The following DEFB126 variants were observed in gnomAD, a reference collection of about 807,000 sequenced individuals.
DEFB126 encodes beta-defensin 126.
In DEFB126, 2 loss-of-function variants were observed where a neutral mutation model predicts 2.5. The ratio of observed to expected loss-of-function variants is 0.79; its 90% CI spans 0.32 to 2.49. The LOEUF (loss-of-function observed/expected upper bound fraction) is 2.49. DEFB126 is among the 30% of genes most tolerant of loss of function. DEFB126 has a pLI of 0.11. For synonymous variants in DEFB126, 51 were observed against 45.4 expected (o/e 1.12, Z -0.50); for missense variants, 136 against 135.4 (o/e 1.00, Z -0.02).
intron 1 of DEFB126, among the ~76,000 whole-genome samples, chr20:143,312 T>C (rs2123016278): frequency 6.6e-6 from 1 of 152,340 alleles, no homozygotes; most frequent in Non-Finnish European, 1.5e-5. Context: ...ACAAGAACAC[T>C]GAAAGTTATT....
intron 1 of DEFB126, among the ~76,000 whole-genome samples, chr20:143,229 C>T (rs1032096523): frequency 1.3e-5 from 2 of 152,016 alleles, no homozygotes; most frequent in African/African-American, 4.8e-5. Context: ...AAGTCTATAT[C>T]AGATTTCAGC....
At chr20:143,256 TTTC>T (rs1283234676) in intron 1 of DEFB126, among the ~76,000 whole-genome samples, 1 of 152,202 alleles carries the variant, frequency 6.6e-6, no homozygotes, top group Non-Finnish European at 1.5e-5. Flanking sequence ...TGTGTAAGCA[TTTC>T]TTATTTTTAA....
At chr20:144,984 T>C (rs932331188) in intron 1 of DEFB126, among the ~76,000 whole-genome samples, 6 of 152,188 alleles carry the variant, frequency 3.9e-5, no homozygotes, top group Middle Eastern at 3.2e-3. Flanking sequence ...AAAAGCCATA[T>C]GTGTTTCAGT....
intron 1 of DEFB126, among the ~76,000 whole-genome samples, chr20:144,968 G>A (rs1228417404): frequency 6.6e-6 from 1 of 151,996 alleles, no homozygotes; most frequent in Non-Finnish European, 1.5e-5. Flanking sequence ...CTCACCAATT[G>A]GCAACAAAAG....
At chr20:145,106 G>A (rs1191759160) in intron 1 of DEFB126, among the ~76,000 whole-genome samples, 1 of 152,014 alleles carries the variant, frequency 6.6e-6, no homozygotes, top group Non-Finnish European at 1.5e-5. Flanking sequence ...AATTGCTTGG[G>A]GATTTTGTGT....
intron 1 of DEFB126, among the ~76,000 whole-genome samples, chr20:144,582 G>A (rs376325782): frequency 2.0e-5 from 3 of 151,962 alleles, no homozygotes; most frequent in East Asian, 3.8e-4. Context: ...TCATATACTT[G>A]TTGATTAAGT....
rs760319430 is a variant in DEFB126, at chr20:145,574, T to G, written c.218T>G (p.Val73Gly). ...CGTGCTAATTATCCTGTTTTCTGTGTCCAGACAAAGACTACAAGAATTTCA... is the reference window on the plus strand; with the variant it reads ...CGTGCTAATTATCCTGTTTTCTGTGGCCAGACAAAGACTACAAGAATTTCA... ...DRRANYPVFCVQTKTTRISTV... is the reference protein window; with the variant it reads ...DRRANYPVFCGQTKTTRISTV... Residue 73 changes from valine (V) to glycine (G), a missense_variant, in exon 2 of 2, where the codon GTC (valine) becomes GGC (glycine). By Grantham distance (109) the Val-to-Gly change is moderately radical. Transcript: ENST00000382398. 6.2e-7 allele frequency: 1 copy of G among 1,613,982 alleles called. No individual in the cohort carries two copies. The highest frequency in any genetic ancestry group is 1.3e-5 in the African/African-American group (1 of 75,018).
intron 1 of DEFB126, among the ~76,000 whole-genome samples, chr20:143,102 TTTTG>T (rs907424569): frequency 1.3e-5 from 2 of 152,276 alleles, no homozygotes; most frequent in South Asian, 2.1e-4. Flanking sequence ...GTCTCTGATT[TTTTG>T]TTTGTTTGTT....
chr20:142,923 T>C (rs954022359), intron 1 of DEFB126, among the ~76,000 whole-genome samples: 1 of 152,114 alleles, frequency 6.6e-6, no homozygotes, highest in African/African-American at 2.4e-5. Context: ...TACAGTTGCC[T>C]CCAAAGGTAG....
At chr20:142,828 C>T (rs2054653521) in intron 1 of DEFB126, 142 bp downstream of exon 1, 2 of 845,228 alleles carry the variant, frequency 2.4e-6, no homozygotes, top group South Asian at 1.5e-5. Context: ...TTCTTCAGAC[C>T]ACCTCTGTTC....
Position 143,375 on chromosome 20 carries a change from C to T in DEFB126, c.58+689C>T, listed in dbSNP as rs78915860. On this transcript the variant is annotated intron_variant, in intron 1 of 1. Transcript: ENST00000382398. ...CTGCTTGCATTTTTTCACTTGTAACCAACTGATATATGAGCTTATAACCTG... is the reference window on the plus strand; with the variant it reads ...CTGCTTGCATTTTTTCACTTGTAACTAACTGATATATGAGCTTATAACCTG... Among the ~76,000 whole-genome samples the T allele has an allele frequency of 5.9e-5, 9 of 152,156 alleles. 1 individual carries two copies. In the South Asian group the frequency reaches 1.9e-3, roughly 32 times the overall value.
chr20:144,631 G>A (rs748120651), intron 1 of DEFB126, among the ~76,000 whole-genome samples: 35 of 151,990 alleles, frequency 2.3e-4, no homozygotes, highest in Non-Finnish European at 4.4e-4. Flanking sequence ...GAGCTCCAGC[G>A]TCACTCTAGG....
chr20:143,482 G>T (rs1036943737), intron 1 of DEFB126, among the ~76,000 whole-genome samples: 2 of 152,068 alleles, frequency 1.3e-5, no homozygotes, highest in African/African-American at 2.4e-5. Context: ...TGCAGTAGAT[G>T]CTTATAATTC....
Position 145,743 on chromosome 20 carries a change from A to G in DEFB126, c.*51A>G. On this transcript the variant is annotated 3_prime_UTR_variant, in exon 2 of 2. Coordinates refer to ENST00000382398, the MANE Select transcript of DEFB126 (RefSeq NM_030931.4). ...TAGGATCCCCGACTCATTAAAGCAAAGAGGCTTATTCTGGTGTCAGTTTTC... is the reference window on the plus strand; with the variant it reads ...TAGGATCCCCGACTCATTAAAGCAAGGAGGCTTATTCTGGTGTCAGTTTTC... The G allele has an allele frequency of 6.4e-7, 1 of 1,572,544 alleles. No individual in the cohort carries two copies. The highest frequency in any genetic ancestry group is 8.6e-7 in the Non-Finnish European group (1 of 1,163,456).
intron 1 of DEFB126, 74 bp downstream of exon 1, chr20:142,760 T>C (rs996310883): frequency 6.6e-7 from 1 of 1,517,486 alleles, no homozygotes; most frequent in African/African-American, 1.4e-5. Context: ...TGTTTCTAAG[T>C]GGTCTGTGGA....
chr20:144,740 A>G (rs1036165505), intron 1 of DEFB126, among the ~76,000 whole-genome samples: 7 of 152,162 alleles, frequency 4.6e-5, no homozygotes, highest in African/African-American at 1.7e-4. Context: ...TAATGAATAT[A>G]TTCCTAATGG....
At chr20:142,728 A>C in intron 1 of DEFB126, 42 bp downstream of exon 1, 1 of 1,600,848 alleles carries the variant, frequency 6.2e-7, no homozygotes, top group Non-Finnish European at 8.6e-7. Flanking sequence ...GGCCTGGAAC[A>C]GGGTCCTGCA....
chr20:145,229 C>A (rs1031854591), intron 1 of DEFB126, among the ~76,000 whole-genome samples, 186 bp from the exon 2 acceptor site: 4 of 152,026 alleles, frequency 2.6e-5, no homozygotes, highest in Non-Finnish European at 5.9e-5. Context: ...TCATACATAT[C>A]TAAAGAATTC....
rs570462618 is a variant in DEFB126, at chr20:145,732, C to T, written c.*40C>T. Reference sequence around the variant, plus strand: ...GTCTCCTGCTCTAGGATCCCCGACTCATTAAAGCAAAGAGGCTTATTCTGG... The same window carrying T: ...GTCTCCTGCTCTAGGATCCCCGACTTATTAAAGCAAAGAGGCTTATTCTGG... On this transcript the variant is annotated 3_prime_UTR_variant, in exon 2 of 2. Coordinates refer to ENST00000382398, the MANE Select transcript of DEFB126 (RefSeq NM_030931.4). 5.7e-6 allele frequency: 9 copies of T among 1,584,076 alleles called. No individual in the cohort carries two copies. Among genetic ancestry groups the T allele is most frequent in the Non-Finnish European group, 7.7e-6 (9 of 1,168,996 alleles).
Sources: gnomAD v4.1 joint callset for allele counts (sites outside exome capture counted in the v4.1 genomes callset) on GRCh38, gnomAD v4.1.1 for gene constraint, MANE v1.5 for transcripts, NCBI Gene and HGNC (gene_info 2026-07-23, HGNC 2026-07-21) for gene names.